Variants in PRR12 observed in about 807,000 individuals in gnomAD.
The protein encoded by PRR12 is proline rich 12, also known as proline-rich protein 12.
In PRR12, 12 loss-of-function variants were observed where a neutral mutation model predicts 138.0. The ratio of observed to expected loss-of-function variants is 0.09; its 90% confidence interval spans 0.06 to 0.14. PRR12 has a LOEUF of 0.14. Ranked by LOEUF, PRR12 falls within the 10% of genes least tolerant of loss-of-function variation. The pLI is 1.00. For synonymous variants in PRR12, 1,567 were observed against 1,291.7 expected, an observed-to-expected ratio of 1.21 and a Z score of -4.57; for missense variants, 2,692 against 2,861.3, an observed-to-expected ratio of 0.94 and a Z score of 1.35.
At position 49,594,006 on chromosome 19, in the gene PRR12, T is replaced by G. The variant is rs577477107; in HGVS notation, c.200-448T>G. ...CTCCTTCCCTTTTTCCCTCCCCATC[T>G]TTTTTTCTGAACCCTCCCACTTAGC... On this transcript the variant is annotated intron_variant, in intron 2 of 13. Transcript: ENST00000418929. The surrounding 1 kb of genome is among the most constrained non-coding windows in gnomAD (Gnocchi z 5.6). 6.6e-6 allele frequency among the ~76,000 whole-genome samples: 1 copy of G among 152,250 alleles called. No individual in the cohort carries two copies. Among genetic ancestry groups the G allele is most frequent in the Non-Finnish European group, 1.5e-5 (1 of 68,018 alleles).
rs760233091 is a variant in PRR12, at chr19:49,601,787, C to T, written c.4642C>T (p.Leu1548=). The change falls in exon 6 of 14, where the codon CTG becomes TTG. Residue 1548 remains leucine, a synonymous_variant. Transcript: ENST00000418929. ...PELPDTRPLH[L]AKKQETAAVC... is the part of the protein sequence containing the mutation. ...GCTGCCGGACACCCGGCCCCTGCAT[C>T]TGGCCAAAAAGCAGGAGACGGCGGC... 7 of 1,609,048 alleles carry T rather than the reference C, an allele frequency of 4.4e-6. No homozygotes were observed. Among genetic ancestry groups the T allele is most frequent in the South Asian group, 3.3e-5 (3 of 90,506 alleles).
In PRR12 at chr19:49,599,379, G is replaced by A; in HGVS notation, c.3786G>A (p.Lys1262=). 1 of 1,612,900 alleles carries A rather than the reference G, an allele frequency of 6.2e-7. No homozygotes were observed. Among genetic ancestry groups the A allele is most frequent in the Non-Finnish European group, 8.5e-7 (1 of 1,179,602 alleles). ...TGGACTCGAGCCTGACTCGGGAGAA[G>A]ATCGAGGCCAAGATTAAGGAGGTGG... ...NSLDSSLTRE[K]IEAKIKEVEE... Residue 1262 remains lysine (K), a synonymous_variant, in exon 5 of 14, where the codon AAG becomes AAA. Coordinates refer to ENST00000418929, the MANE Select transcript of PRR12 (RefSeq NM_020719.3). This position sits in a 1 kb window ranked among gnomAD's most constrained non-coding sequence, Gnocchi z 5.0.
intron 6 of PRR12, among the ~76,000 whole-genome samples, chr19:49,609,264 G>A (rs1010831105): frequency 2.0e-5 from 3 of 152,080 alleles, no homozygotes; most frequent in African/African-American, 4.8e-5. Flanking sequence ...AAGATTGCTC[G>A]ATTGCACTCC....
rs765662862 is a variant in PRR12 at position 49,595,650 on chromosome 19, G to A, written c.1315G>A (p.Gly439Arg). 9 of 1,603,756 alleles carry A rather than the reference G, an allele frequency of 5.6e-6. No individual in the cohort carries two copies. The East Asian group carries it at 1.8e-4, about 32-fold the overall frequency. ...GAAGGCCTCTGGGGCTGGAGGGGCA[G>A]GGGGCCAGGCTTATTCCCCCGGTCA... ...TGKASGAGGA[G>R]GQAYSPGQPQ... Residue 439 changes from glycine to arginine, a missense_variant, in exon 4 of 14, where the codon GGG becomes AGG. Transcript: ENST00000418929.
Position 49,597,722 on chromosome 19 carries a change from C to G in PRR12, c.3387C>G (p.Arg1129=). 1 of 1,608,060 alleles carries G rather than the reference C, an allele frequency of 6.2e-7. No individual in the cohort carries two copies. Among genetic ancestry groups the G allele is most frequent in the African/African-American group, 1.3e-5 (1 of 74,966 alleles). The change falls in exon 4 of 14, where the codon CGC becomes CGG. Residue 1129 remains arginine (R), a synonymous_variant. Transcript: ENST00000418929. This position sits in a 1 kb window ranked among gnomAD's most constrained non-coding sequence, Gnocchi z 6.3. ...TGCCTGACCTGGTCTCCAGCTGCCG[C>G]TCCCGTCCGGCCCTCTCGCCACTGG... is the stretch of plus-strand genomic sequence containing the variant. ...RRLPDLVSSC[R]SRPALSPLGD...
rs1198853220 is a variant in PRR12, at chr19:49,597,397, C to T, written c.3062C>T (p.Thr1021Met). Residue 1021 changes from threonine to methionine, a missense_variant, in exon 4 of 14, where the codon ACG becomes ATG. Around this residue, in one of 11 missense-constraint regions of PRR12, gnomAD observed 840 missense variants for 689.8 expected, o/e 1.22. Transcript: ENST00000418929. The surrounding 1 kb of genome is among the most constrained non-coding windows in gnomAD (Gnocchi z 6.3). ...AACAAACCGCCTGAACTGCCCTCCACGGTCAACGCCGAGCCGCTGGGCCTG... is the reference window on the plus strand; with the variant it reads ...AACAAACCGCCTGAACTGCCCTCCATGGTCAACGCCGAGCCGCTGGGCCTG... ...DPNKPPELPS[T>M]VNAEPLGLIQ... is the part of the protein sequence containing the mutation. 2.0e-6 allele frequency: 3 copies of T among 1,537,634 alleles called. No individual in the cohort carries two copies. The highest frequency in any genetic ancestry group is 1.2e-5 in the South Asian group (1 of 84,040).
chr19:49,595,658 G>A lies in PRR12; in HGVS notation c.1323G>A (p.Gln441=), dbSNP rs1284408640. 1.2e-6 allele frequency: 2 copies of A among 1,601,702 alleles called. No homozygotes were observed. The highest frequency in any genetic ancestry group is 1.7e-6 in the Non-Finnish European group (2 of 1,174,952). The part of the protein sequence containing the change: ...KASGAGGAGG[Q]AYSPGQPQGL... ...CTGGGGCTGGAGGGGCAGGGGGCCA[G>A]GCTTATTCCCCCGGTCAGCCTCAAG... is the stretch of plus-strand genomic sequence containing the variant. Residue 441 remains glutamine, a synonymous_variant, in exon 4 of 14, where the codon CAG becomes CAA. Transcript: ENST00000418929.
At chr19:49,602,550 G>C (rs1015558867) in intron 6 of PRR12, among the ~76,000 whole-genome samples, 2 of 152,178 alleles carry the variant, frequency 1.3e-5, no homozygotes, top group Non-Finnish European at 2.9e-5. Context: ...TTGTGTGTCA[G>C]GCCATATCTT....
chr19:49,620,897 C>T (rs2080919117), intron 10 of PRR12, among the ~76,000 whole-genome samples: 1 of 134,864 alleles, frequency 7.4e-6, no homozygotes, highest in Non-Finnish European at 1.6e-5. Flanking sequence ...ACCTGGACTC[C>T]CAGGTCTGAG....
chr19:49,612,149 G>A (rs1363480501), intron 6 of PRR12, among the ~76,000 whole-genome samples: 1 of 148,026 alleles, frequency 6.8e-6, no homozygotes, highest in Non-Finnish European at 1.5e-5. Context: ...GAAATCACTT[G>A]AACTCAGGAG....
intron 2 of PRR12, 111 bp downstream of exon 2, chr19:49,593,550 G>T (rs1403822491): frequency 1.8e-5 from 11 of 604,926 alleles, no homozygotes; most frequent in Non-Finnish European, 3.2e-5. Context: ...CCGTGCCGTG[G>T]CCCGCCCCTT....
intron 11 of PRR12, among the ~76,000 whole-genome samples, chr19:49,622,523 T>C (rs1397319812): frequency 2.2e-5 from 3 of 137,526 alleles, no homozygotes; most frequent in East Asian, 2.1e-4. Context: ...ACCCAGGAGG[T>C]GGAGCTTGCA....
In PRR12 at chr19:49,596,629, C is replaced by A; in HGVS notation, c.2294C>A (p.Pro765Gln). 6.3e-7 allele frequency: 1 copy of A among 1,593,810 alleles called. No homozygotes were observed. The highest frequency in any genetic ancestry group is 8.5e-7 in the Non-Finnish European group (1 of 1,171,006). ...ELGAFLQKSP[P>Q]PPPPTAQSTQ... Reference sequence around the variant, plus strand: ...GGGGCCTTCTTGCAAAAGAGCCCTCCGCCCCCACCTCCCACGGCCCAGTCT... The same window carrying A: ...GGGGCCTTCTTGCAAAAGAGCCCTCAGCCCCCACCTCCCACGGCCCAGTCT... The change falls in exon 4 of 14, where the codon CCG becomes CAG. Residue 765 changes from proline (P) to glutamine (Q), a missense_variant. Physicochemically the swap from Pro to Gln is moderately conservative, Grantham distance 76 (BLOSUM62 -1). This residue lies in a region of PRR12 where 840 missense variants were observed against 689.8 expected (regional missense o/e 1.22). Transcript: ENST00000418929. The surrounding 1 kb of genome is among the most constrained non-coding windows in gnomAD (Gnocchi z 5.6).
chr19:49,593,589 G>C (rs1204532183), intron 2 of PRR12, 150 bp downstream of exon 2: 4 of 565,182 alleles, frequency 7.1e-6, no homozygotes, highest in South Asian at 4.2e-5. Context: ...GGTTGCCTTT[G>C]AGGCTGCTGG....
rs774903066 is a variant in PRR12, at chr19:49,625,154, C to T, written c.5918C>T (p.Ser1973Leu). Residue 1973 changes from serine to leucine, a missense_variant, in exon 13 of 14, where the codon TCG becomes TTG. By Grantham distance (145) the Ser-to-Leu change is moderately radical. Transcript: ENST00000418929. This position sits in a 1 kb window ranked among gnomAD's most constrained non-coding sequence, Gnocchi z 5.5. Reference protein sequence around the residue: ...EKSGYYTLYHSLHHYKYHTFL... With the variant: ...EKSGYYTLYHLLHHYKYHTFL... Reference sequence around the variant, plus strand: ...TCGGGATACTATACACTCTACCATTCGCTCCACCACTATAAATACCACACC... The same window carrying T: ...TCGGGATACTATACACTCTACCATTTGCTCCACCACTATAAATACCACACC... The T allele has an allele frequency of 1.2e-6, 2 of 1,613,698 alleles. No homozygotes were observed. The highest frequency in any genetic ancestry group is 1.1e-5 in the South Asian group (1 of 91,082).
At chr19:49,608,967 G>C (rs918953382) in intron 6 of PRR12, among the ~76,000 whole-genome samples, 3 of 152,172 alleles carry the variant, frequency 2.0e-5, no homozygotes, top group African/African-American at 7.2e-5. Context: ...TGGGACTGTT[G>C]TTGGGGTTGT....
At position 49,591,443 on chromosome 19, in the gene PRR12, C is replaced by T. The variant is rs2080724836; in HGVS notation, c.-212C>T. 6.8e-6 allele frequency among the ~76,000 whole-genome samples: 1 copy of T among 147,768 alleles called. No individual in the cohort carries two copies. The highest frequency in any genetic ancestry group is 6.7e-5 in the Admixed American group (1 of 15,022). On this transcript the variant is annotated 5_prime_UTR_variant, in exon 1 of 14. Coordinates refer to ENST00000418929, the MANE Select transcript of PRR12 (RefSeq NM_020719.3). Reference sequence around the variant, plus strand: ...CCCCTTCCTTGGCTCAGCGACTGCACCCCCTCCCTTGCCCGCCCCTCCGCC... The same window carrying T: ...CCCCTTCCTTGGCTCAGCGACTGCATCCCCTCCCTTGCCCGCCCCTCCGCC...
At chr19:49,615,614 A>ATC (rs2080888054) in intron 8 of PRR12, 133 bp from the exon 9 acceptor site, 2 of 737,422 alleles carry the variant, frequency 2.7e-6, no homozygotes, top group African/African-American at 1.9e-5. Flanking sequence ...GAGGGAGGGG[A>ATC]ACAGAGACCA....
At position 49,599,876 on chromosome 19, in the gene PRR12, C is replaced by T. The variant is rs901494237; in HGVS notation, c.4283C>T (p.Ala1428Val). Residue 1428 changes from alanine (A) to valine (V), a missense_variant, in exon 5 of 14, where the codon GCT becomes GTT. Physicochemically the swap from Ala to Val is moderately conservative, Grantham distance 64. Transcript: ENST00000418929. This position sits in a 1 kb window ranked among gnomAD's most constrained non-coding sequence, Gnocchi z 5.0. ...TPDGPPLAPAAAVPGPPPLPG... is the reference protein window; with the variant it reads ...TPDGPPLAPAVAVPGPPPLPG... ...GATGGGCCGCCCTTGGCCCCCGCGG[C>T]TGCAGTTCCAGGGCCACCCCCTCTT... 1 of 1,612,564 alleles carries T rather than the reference C, an allele frequency of 6.2e-7. No homozygotes were observed. Among genetic ancestry groups the T allele is most frequent in the Non-Finnish European group, 8.5e-7 (1 of 1,179,632 alleles).
Sources: allele counts gnomAD v4.1 joint callset (sites outside exome capture counted in the v4.1 genomes callset), GRCh38; gene constraint gnomAD v4.1.1; regional missense constraint gnomAD v4.1.1; non-coding constraint Gnocchi (gnomAD v3.1); transcripts MANE v1.5; gene names NCBI Gene and HGNC (gene_info 2026-07-23, HGNC 2026-07-21).